Variants in DISP1 observed in about 807,000 individuals in gnomAD.
DISP1 encodes protein dispatched homolog 1.
A neutral mutation model predicts 37.3 loss-of-function variants in DISP1; 30 were observed. The observed-to-expected ratio is 0.80, with a 90% confidence interval of 0.60 to 1.09. The LOEUF (loss-of-function observed/expected upper bound fraction) is 1.09, where lower values mean the gene tolerates loss of function less well. DISP1 is among the 50% of genes least tolerant of loss of function. The pLI, the probability that DISP1 is intolerant of heterozygous loss-of-function variation, is 0.00. For missense variants in DISP1, 1,598 were observed against 1,879.5 expected (o/e 0.85, Z 2.77); for synonymous variants, 634 against 690.2 (o/e 0.92, Z 1.28).
chr1:222,845,122 C>G (rs1667830216), intron 1 of DISP1, among the ~76,000 whole-genome samples: 1 of 152,120 alleles, frequency 6.6e-6, no homozygotes, highest in African/African-American at 2.4e-5. Flanking sequence ...TAGGTTGGTG[C>G]AAACGCAGTT....
chr1:222,894,472 C>T (rs1284221573), intron 1 of DISP1, among the ~76,000 whole-genome samples: 1 of 152,244 alleles, frequency 6.6e-6, no homozygotes, highest in East Asian at 1.9e-4. Flanking sequence ...CAACTGTGCA[C>T]ACACCCGCCC....
chr1:222,983,069 T>A lies in DISP1; in HGVS notation c.510-11T>A. The A allele has an allele frequency of 6.3e-7, 1 of 1,593,132 alleles. No homozygotes were observed. The highest frequency in any genetic ancestry group is 8.5e-7 in the Non-Finnish European group (1 of 1,170,916). On this transcript the variant is annotated splice_polypyrimidine_tract_variant and intron_variant, in intron 3 of 8. Transcript: ENST00000675850. Reference sequence around the variant, plus strand: ...TTTTGATCATTTTTCCTTTGCTTTTTTTTTTTTCAGACCATCCAGACCTTT... The same window carrying A: ...TTTTGATCATTTTTCCTTTGCTTTTATTTTTTTCAGACCATCCAGACCTTT...
intron 3 of DISP1, among the ~76,000 whole-genome samples, chr1:222,946,911 T>G (rs1001433621): frequency 1.3e-5 from 2 of 152,188 alleles, no homozygotes; most frequent in Admixed American, 1.3e-4. Context: ...GACTAAATCC[T>G]GAAGGGTATT....
chr1:222,867,772 T>G (rs980422155), intron 1 of DISP1, among the ~76,000 whole-genome samples: 3 of 152,222 alleles, frequency 2.0e-5, no homozygotes, highest in African/African-American at 7.2e-5. Context: ...GACTTCTAAC[T>G]GCCATATATG....
At chr1:222,833,339 A>G (rs2125248444) in intron 1 of DISP1, among the ~76,000 whole-genome samples, 1 of 152,266 alleles carries the variant, frequency 6.6e-6, no homozygotes, top group South Asian at 2.1e-4. Flanking sequence ...CGTACACCCT[A>G]CTTTTTGTTC....
At chr1:222,917,379 G>A (rs1672554797) in intron 1 of DISP1, among the ~76,000 whole-genome samples, 1 of 152,144 alleles carries the variant, frequency 6.6e-6, no homozygotes, top group Non-Finnish European at 1.5e-5. Flanking sequence ...GACAGATAGG[G>A]TCCTATAGGG....
intron 1 of DISP1, among the ~76,000 whole-genome samples, chr1:222,907,210 T>G (rs1356921799): frequency 1.3e-5 from 2 of 152,100 alleles, no homozygotes; most frequent in Non-Finnish European, 2.9e-5. Context: ...TCAGGAGAAA[T>G]GAGGACTCTA....
chr1:222,869,944 C>T (rs187833986), intron 1 of DISP1, among the ~76,000 whole-genome samples: 2,630 of 152,128 alleles, frequency 0.017, 78 homozygotes, highest in African/African-American at 0.057. Flanking sequence ...CCCCTCTCCC[C>T]CCACCCCACA....
At position 223,003,533 on chromosome 1, in the gene DISP1, C is replaced by T. The variant is rs200608807; in HGVS notation, c.2136C>T (p.Cys712=). ...SRIFFEKVLP[C]IVIKFRYLWL... ...TTTTTTTCGAAAAAGTATTGCCATGCATTGTCATTAAGTTTCGCTACCTTT... is the reference window on the plus strand; with the variant it reads ...TTTTTTTCGAAAAAGTATTGCCATGTATTGTCATTAAGTTTCGCTACCTTT... Residue 712 remains cysteine (C), a synonymous_variant, in exon 9 of 9, where the codon TGC becomes TGT. Coordinates refer to ENST00000675850, the MANE Select transcript of DISP1 (RefSeq NM_001377229.1). The surrounding 1 kb of genome is among the most constrained non-coding windows in gnomAD (Gnocchi z 4.3). The T allele has an allele frequency of 6.2e-7, 1 of 1,614,170 alleles. No homozygotes were observed. Among genetic ancestry groups the T allele is most frequent in the East Asian group, 2.2e-5 (1 of 44,886 alleles).
intron 1 of DISP1, among the ~76,000 whole-genome samples, chr1:222,851,948 G>T (rs1182260460): frequency 6.6e-6 from 1 of 152,092 alleles, no homozygotes; most frequent in Admixed American, 6.5e-5. Context: ...ACTTTGGGAG[G>T]CTGAGGCGGG....
chr1:222,854,236 C>T (rs558997883), intron 1 of DISP1, among the ~76,000 whole-genome samples: 2 of 152,290 alleles, frequency 1.3e-5, no homozygotes, highest in Admixed American at 1.3e-4. Context: ...TCTCATGCTG[C>T]TGTCAAGAAC....
intron 3 of DISP1, among the ~76,000 whole-genome samples, chr1:222,975,263 G>A (rs945037517): frequency 3.3e-5 from 5 of 151,964 alleles, no homozygotes; most frequent in African/African-American, 9.7e-5. Context: ...GGGCTCAAGC[G>A]ATCCTCCCAG....
chr1:222,880,902 A>G (rs901755695), intron 1 of DISP1, among the ~76,000 whole-genome samples: 3 of 152,044 alleles, frequency 2.0e-5, no homozygotes, highest in African/African-American at 4.8e-5. Context: ...CTCTATAAAA[A>G]ATATAAATAT....
At chr1:222,998,987 T>C (rs537602341) in intron 8 of DISP1, among the ~76,000 whole-genome samples, 3 of 152,276 alleles carry the variant, frequency 2.0e-5, no homozygotes, top group East Asian at 1.9e-4. Context: ...CGGCAGTCAA[T>C]TGAACCTGGT....
At chr1:222,855,818 G>A (rs766740206) in intron 1 of DISP1, among the ~76,000 whole-genome samples, 1 of 151,350 alleles carries the variant, frequency 6.6e-6, no homozygotes, top group Non-Finnish European at 1.5e-5. Flanking sequence ...AGCTATAGAG[G>A]TGTGTGATTT....
intron 4 of DISP1, 72 bp from the exon 5 acceptor site, chr1:222,990,553 C>T: frequency 6.2e-7 from 1 of 1,611,386 alleles, no homozygotes; most frequent in African/African-American, 1.3e-5. Context: ...CTGCGAAGGG[C>T]CTTCTTTGTG....
intron 1 of DISP1, among the ~76,000 whole-genome samples, chr1:222,901,492 T>C (rs886350716): frequency 1.3e-5 from 2 of 151,992 alleles, no homozygotes; most frequent in East Asian, 1.9e-4. Flanking sequence ...GTAATACTTA[T>C]AGATTTTTGT....
At chr1:222,878,375 A>T (rs1461451543) in intron 1 of DISP1, among the ~76,000 whole-genome samples, 1 of 152,208 alleles carries the variant, frequency 6.6e-6, no homozygotes, top group Non-Finnish European at 1.5e-5. Flanking sequence ...CTAAGTTTAT[A>T]TGGTTATACA....
At chr1:222,870,536 G>A (rs1572386789) in intron 1 of DISP1, among the ~76,000 whole-genome samples, 1 of 152,100 alleles carries the variant, frequency 6.6e-6, no homozygotes, top group South Asian at 2.1e-4. Context: ...TTCTCTCATG[G>A]CCAGTGATGA....
Sources: gnomAD v4.1 joint callset for allele counts (sites outside exome capture counted in the v4.1 genomes callset) on GRCh38, gnomAD v4.1.1 for gene constraint, Gnocchi (gnomAD v3.1) non-coding constraint, MANE v1.5 for transcripts, NCBI Gene and HGNC (gene_info 2026-07-23, HGNC 2026-07-21) for gene names.